The following CHODL variants were observed in gnomAD, a reference collection of about 807,000 sequenced individuals.
CHODL encodes transmembrane protein MT75.
In CHODL, 29 loss-of-function variants were observed where a neutral mutation model predicts 34.5. The observed-to-expected ratio is 0.84, with a 90% CI of 0.63 to 1.15. The LOEUF (loss-of-function observed/expected upper bound fraction) is 1.15, where lower values mean the gene tolerates loss of function less well. CHODL is among the 50% of genes most tolerant of loss of function. The pLI is 0.00. For missense variants in CHODL, 332 were observed against 332.5 expected (o/e 1.00, Z 0.01); for synonymous variants, 125 against 116.1 (o/e 1.08, Z -0.49).
rs774721237 is a variant in CHODL, at chr21:18,262,821, T to C, written c.665T>C (p.Ile222Thr). 5 of 1,605,706 alleles carry C rather than the reference T, an allele frequency of 3.1e-6. No individual in the cohort carries two copies. The East Asian group carries it at 8.9e-5, about 29-fold the overall frequency. The part of the protein sequence containing the change: ...GIIPNLIYVV[I>T]PTIPLLLLIL... ...ATTCCCAATCTAATTTATGTTGTTA[T>C]ACCAACAATACCCCTGCTCTTACTG... The change falls in exon 5 of 6, where the codon ATA becomes ACA. Residue 222 changes from isoleucine (I) to threonine (T), a missense_variant. Ile to Thr is a moderately conservative substitution (Grantham distance 89). Transcript: ENST00000299295.
intron 2 of CHODL, among the ~76,000 whole-genome samples, chr21:18,136,105 C>CAAAAAAAAAAAAAAAA (rs67552520): frequency 1.1e-5 from 1 of 89,466 alleles, no homozygotes; most frequent in Non-Finnish European, 2.1e-5. Flanking sequence ...GATTATGTCT[C>CAAAAAAAAAAAAAAAA]AAAAAAAAAA....
At chr21:18,029,706 G>A (rs2849912) in intron 2 of CHODL, among the ~76,000 whole-genome samples, 72,990 of 151,472 alleles carry the variant, frequency 0.48, 18,053 homozygotes, top group Non-Finnish European at 0.52. Flanking sequence ...AAGGAGGTAG[G>A]CATTCCTGTC....
chr21:18,100,751 TTTA>T (rs1353873026), intron 2 of CHODL, among the ~76,000 whole-genome samples: 1 of 152,236 alleles, frequency 6.6e-6, no homozygotes, highest in African/African-American at 2.4e-5. Flanking sequence ...CAGGAATGAT[TTTA>T]TTAAGATTTT....
At chr21:18,193,919 A>G (rs1409233696) in intron 2 of CHODL, among the ~76,000 whole-genome samples, 1 of 151,910 alleles carries the variant, frequency 6.6e-6, no homozygotes, top group African/African-American at 2.4e-5. Context: ...TTGGTAAATG[A>G]CACCATTATC....
At chr21:18,078,893 A>G (rs770102081) in intron 2 of CHODL, among the ~76,000 whole-genome samples, 8 of 152,234 alleles carry the variant, frequency 5.3e-5, no homozygotes, top group Non-Finnish European at 1.2e-4. Flanking sequence ...AAGGTCCTAC[A>G]GCTAACATGA....
intron 2 of CHODL, among the ~76,000 whole-genome samples, chr21:18,164,419 A>G (rs1357273557): frequency 6.6e-6 from 1 of 152,244 alleles, no homozygotes; most frequent in Non-Finnish European, 1.5e-5. Flanking sequence ...TCTGTTCTAG[A>G]CAACTTAGGA....
chr21:17,952,214 A>G (rs1034134444), intron 1 of CHODL, among the ~76,000 whole-genome samples: 2 of 147,186 alleles, frequency 1.4e-5, no homozygotes, highest in African/African-American at 4.9e-5. Context: ...AAAAAAAAAA[A>G]AGAAATAAAC....
At chr21:18,043,110 T>A (rs1175538939) in intron 2 of CHODL, among the ~76,000 whole-genome samples, 1 of 151,980 alleles carries the variant, frequency 6.6e-6, no homozygotes, top group East Asian at 1.9e-4. Flanking sequence ...TGTATGCTCT[T>A]AATGATCCTG....
chr21:18,072,345 T>C (rs922606208), intron 2 of CHODL, among the ~76,000 whole-genome samples: 4 of 152,252 alleles, frequency 2.6e-5, no homozygotes, highest in African/African-American at 9.6e-5. Flanking sequence ...CACTTATAAT[T>C]TGTCATTAGA....
At position 17,989,472 on chromosome 21, in the gene CHODL, C is replaced by T. The variant is rs143267005; in HGVS notation, c.-144-38400C>T. ...TATTCATTTAAAATGCCCCCAAACTCCAGGGAGCACAAAATTAGATATTAC... is the reference window on the plus strand; with the variant it reads ...TATTCATTTAAAATGCCCCCAAACTTCAGGGAGCACAAAATTAGATATTAC... On this transcript the variant is annotated intron_variant, in intron 1 of 6. Transcript: ENST00000400127. Among the ~76,000 whole-genome samples, 50 of 152,178 alleles carry T rather than the reference C, an allele frequency of 3.3e-4. 1 individual carries two copies. Among genetic ancestry groups the T allele is most frequent in the African/African-American group, 1.2e-3 (49 of 41,534 alleles).
rs573929852 is a variant in CHODL, at chr21:18,233,015, G to C, written c.-44-23494G>C. On this transcript the variant is annotated intron_variant, in intron 2 of 6. Coordinates refer to the CHODL transcript ENST00000400127. ...CTATCCATCTATATATACACACACA[G>C]TGTGGAATGATTGAATCAAGCTAAT... Among the ~76,000 whole-genome samples, 44 of 140,822 alleles carry C rather than the reference G, an allele frequency of 3.1e-4. 3 individuals are homozygous for C. Among genetic ancestry groups the C allele is most frequent in the South Asian group, 1.7e-3 (8 of 4,612 alleles). The allele number at this position is 140,822 out of a possible 152,430, so 92.4% of individuals were successfully genotyped here. A position where few individuals can be genotyped will look rare whatever the true frequency, so the allele number is the denominator to read the frequency against.
intron 1 of CHODL, among the ~76,000 whole-genome samples, chr21:18,004,664 T>C (rs2063943043): frequency 6.6e-6 from 1 of 152,224 alleles, no homozygotes; most frequent in Non-Finnish European, 1.5e-5. Flanking sequence ...CTTATATTTT[T>C]TTCTCACAAA....
intron 1 of CHODL, among the ~76,000 whole-genome samples, chr21:18,021,644 G>A (rs2064128560): frequency 6.6e-6 from 1 of 152,198 alleles, no homozygotes; most frequent in Non-Finnish European, 1.5e-5. Context: ...AGCTGAGTGA[G>A]TAAATATGTA....
At chr21:18,242,557 A>G (rs912241257), upstream of CHODL, among the ~76,000 whole-genome samples, 1 of 152,168 alleles carries the variant, frequency 6.6e-6, no homozygotes, top group Non-Finnish European at 1.5e-5. Context: ...ACCCATCCAG[A>G]TGTTTTGAAG....
intron 2 of CHODL, among the ~76,000 whole-genome samples, chr21:18,235,038 C>T (rs2074016512): frequency 6.6e-6 from 1 of 152,030 alleles, no homozygotes; most frequent in African/African-American, 2.4e-5. Context: ...ACATAAGAGC[C>T]AGGCATTGCA....
chr21:18,007,613 G>T (rs980904825), intron 1 of CHODL, among the ~76,000 whole-genome samples: 3 of 152,036 alleles, frequency 2.0e-5, no homozygotes, highest in Non-Finnish European at 4.4e-5. Context: ...GTTACATAAG[G>T]CATTCTGTAA....
intron 2 of CHODL, among the ~76,000 whole-genome samples, chr21:18,093,475 C>T (rs566395365): frequency 6.7e-6 from 1 of 148,662 alleles, no homozygotes; most frequent in Non-Finnish European, 1.5e-5. Context: ...GTAAATTTCT[C>T]TTAAGTAGAA....
intron 2 of CHODL, among the ~76,000 whole-genome samples, chr21:18,174,043 C>T (rs1457687226): frequency 8.1e-6 from 1 of 123,910 alleles, no homozygotes; most frequent in Non-Finnish European, 1.8e-5. Context: ...AATAACCATC[C>T]GTACTGTTCA....
chr21:18,007,887 T>G (rs1332211142), intron 1 of CHODL, among the ~76,000 whole-genome samples: 1 of 152,194 alleles, frequency 6.6e-6, no homozygotes, highest in East Asian at 1.9e-4. Flanking sequence ...AGGTAGAATC[T>G]TAATATGGAG....
Sources: gnomAD v4.1 joint callset for allele counts (sites outside exome capture counted in the v4.1 genomes callset) on GRCh38, gnomAD v4.1.1 for gene constraint, MANE v1.5 for transcripts, NCBI Gene and HGNC (gene_info 2026-07-23, HGNC 2026-07-21) for gene names.